C14orf39: variants seen among roughly 807,000 people sequenced by gnomAD.
C14orf39 encodes chromosome 14 open reading frame 39, also known as protein SIX6OS1.
A neutral mutation model predicts 85.6 loss-of-function variants in C14orf39; 66 were observed. The observed-to-expected ratio is 0.77, with a 90% confidence interval of 0.63 to 0.95. The LOEUF (loss-of-function observed/expected upper bound fraction) is 0.95, where lower values mean the gene tolerates loss of function less well. Among genes scored for constraint, C14orf39 ranks in the 40% least tolerant of loss-of-function variants. The pLI is 0.00. For synonymous variants in C14orf39, 242 were observed against 214.0 expected (o/e 1.13, Z -1.14); for missense variants, 735 against 663.9 (o/e 1.11, Z -1.18).
chr14:60,485,204 G>T, intron 1 of C14orf39, 118 bp from the exon 2 acceptor site: 2 of 833,634 alleles, frequency 2.4e-6, no homozygotes, highest in South Asian at 1.7e-5. Flanking sequence ...GGCAGAGCCA[G>T]AACTGGAAGA....
intron 13 of C14orf39, among the ~76,000 whole-genome samples, chr14:60,460,653 A>T (rs539320066): frequency 1.3e-5 from 2 of 151,972 alleles, no homozygotes; most frequent in Non-Finnish European, 3.0e-5. Flanking sequence ...ACATGTGATT[A>T]TGTTAATATA....
rs1401808715 is a variant in C14orf39 at position 60,455,134 on chromosome 14, C to CT, written c.1369dup (p.Arg457LysfsTer6). The CT allele has an allele frequency of 6.4e-7, 1 of 1,555,724 alleles. No homozygotes were observed. The highest frequency in any genetic ancestry group is 8.6e-7 in the Non-Finnish European group (1 of 1,158,298). ...TGTTTGAACTTCAGGTACTGCATTT[C>CT]TATTTCTGTTACTGAGAAATAAGAA... On this transcript the variant is annotated frameshift_variant, in exon 16 of 18. Coordinates refer to ENST00000321731, the MANE Select transcript of C14orf39 (RefSeq NM_174978.3). LOFTEE classifies it high-confidence loss of function.
intron 1 of C14orf39, among the ~76,000 whole-genome samples, chr14:60,500,458 T>C (rs899291808): frequency 5.9e-5 from 9 of 152,248 alleles, no homozygotes; most frequent in African/African-American, 2.2e-4. Flanking sequence ...ATCCAATAAT[T>C]TGAAGGAAAA....
chr14:60,497,812 G>T (rs889837651), intron 2 of C14orf39, among the ~76,000 whole-genome samples: 15 of 151,918 alleles, frequency 9.9e-5, no homozygotes, highest in Admixed American at 1.3e-4. Context: ...AACCTAAGAG[G>T]CAGAGGATGC....
In C14orf39 at chr14:60,478,349, A is replaced by G; in HGVS notation, c.274T>C (p.Tyr92His). The part of the protein sequence containing the change: ...TCDVFRKHED[Y>H]MQDQFTVYQG... ...TAAACAGTAAATTGGTCCTGCATAT[A>G]ATCTTCATGTTTACGAAAAACATCA... Residue 92 changes from tyrosine (Y) to histidine (H), a missense_variant, in exon 5 of 18, where the codon TAT (tyrosine) becomes CAT (histidine). By Grantham distance (83) the Tyr-to-His change is moderately conservative. Transcript: ENST00000321731. 1 of 1,583,176 alleles carries G rather than the reference A, an allele frequency of 6.3e-7. No individual in the cohort carries two copies.
intron 8 of C14orf39, among the ~76,000 whole-genome samples, chr14:60,469,302 T>C (rs1157688247): frequency 6.8e-6 from 1 of 148,090 alleles, no homozygotes; most frequent in African/African-American, 2.4e-5. Context: ...TAAATATATA[T>C]ATTAAATTAT....
intron 5 of C14orf39, among the ~76,000 whole-genome samples, chr14:60,472,944 G>T (rs187371053): frequency 6.6e-6 from 1 of 152,110 alleles, no homozygotes. Flanking sequence ...TGGGTCAAAC[G>T]GTAATTCTAG....
chr14:60,505,857 G>C (rs1893196265), intron 1 of C14orf39, among the ~76,000 whole-genome samples: 1 of 152,144 alleles, frequency 6.6e-6, no homozygotes, highest in African/African-American at 2.4e-5. Flanking sequence ...GTGTGACCAG[G>C]ATTCCACCTG....
intron 1 of C14orf39, among the ~76,000 whole-genome samples, chr14:60,507,381 G>A (rs1893218945): frequency 6.6e-6 from 1 of 152,114 alleles, no homozygotes; most frequent in South Asian, 2.1e-4. Context: ...TCTAAAAGTT[G>A]TCCTTCCGGC....
chr14:60,450,723 G>A (rs1890992678), intron 16 of C14orf39, among the ~76,000 whole-genome samples: 1 of 152,264 alleles, frequency 6.6e-6, no homozygotes, highest in South Asian at 2.1e-4. Flanking sequence ...CCAATGCTAT[G>A]CTGGCTTCAG....
chr14:60,465,025 A>G (rs1488267799), intron 11 of C14orf39, among the ~76,000 whole-genome samples: 1 of 152,082 alleles, frequency 6.6e-6, no homozygotes, highest in Non-Finnish European at 1.5e-5. Context: ...TAAATGTTTA[A>G]TATGTATGCA....
intron 16 of C14orf39, among the ~76,000 whole-genome samples, chr14:60,445,044 G>T (rs920135830): frequency 1.3e-5 from 2 of 152,056 alleles, no homozygotes; most frequent in Non-Finnish European, 2.9e-5. Context: ...CACCAGGCCT[G>T]CCTTACAAGA....
chr14:60,438,186 C>A (rs1426102946), intron 17 of C14orf39, among the ~76,000 whole-genome samples: 1 of 151,740 alleles, frequency 6.6e-6, no homozygotes, highest in African/African-American at 2.4e-5. Context: ...TATTTTTAAA[C>A]ATCTCAATTA....
intron 16 of C14orf39, among the ~76,000 whole-genome samples, chr14:60,453,587 T>G (rs935465641): frequency 2.0e-5 from 3 of 151,884 alleles, no homozygotes; most frequent in African/African-American, 7.2e-5. Flanking sequence ...AAAGTTTATT[T>G]GTTTTATGAT....
chr14:60,512,352 T>G (rs146477594), intron 1 of C14orf39: 32 of 152,342 alleles, frequency 2.1e-4, no homozygotes, highest in African/African-American at 7.7e-4. Context: ...CAGGCACCCA[T>G]GATCATGCTA....
chr14:60,469,393 C>T (rs1891957810), intron 8 of C14orf39, 140 bp downstream of exon 8: 1 of 258,736 alleles, frequency 3.9e-6, no homozygotes, highest in South Asian at 1.7e-4. Context: ...TACCTTTTGG[C>T]TCCAAAGGTA....
chr14:60,492,818 T>G (rs1893010496), intron 2 of C14orf39, among the ~76,000 whole-genome samples: 1 of 152,046 alleles, frequency 6.6e-6, no homozygotes, highest in Admixed American at 6.6e-5. Flanking sequence ...AGTAGATAAA[T>G]TAAAGCTTTC....
At position 60,450,684 on chromosome 14, in the gene C14orf39, T is replaced by C. The variant is rs1290031970; in HGVS notation, c.1503+4317A>G. 2.0e-5 allele frequency among the ~76,000 whole-genome samples: 3 copies of C among 152,036 alleles called. No homozygotes were observed. The East Asian group carries it at 5.8e-4, about 29-fold the overall frequency. ...TCAGTGAACACAGCGGGTAGCCAGG[T>C]AGTGGTTACAGAAGGCCTTAGCCAA... On this transcript the variant is annotated intron_variant, in intron 16 of 17. Coordinates refer to ENST00000321731, the MANE Select transcript of C14orf39 (RefSeq NM_174978.3).
At chr14:60,467,295 T>C (rs1390559202) in intron 9 of C14orf39, among the ~76,000 whole-genome samples, 2 of 151,800 alleles carry the variant, frequency 1.3e-5, no homozygotes, top group African/African-American at 4.8e-5. Flanking sequence ...TTTTAAAATA[T>C]AATCATTGCA....
Sources: gnomAD v4.1 joint callset for allele counts (sites outside exome capture counted in the v4.1 genomes callset) on GRCh38, gnomAD v4.1.1 for gene constraint, MANE v1.5 for transcripts, NCBI Gene and HGNC (gene_info 2026-07-23, HGNC 2026-07-21) for gene names.